Variants in PFKFB3 observed in about 807,000 individuals in gnomAD.
PFKFB3 encodes 6-phosphofructo-2-kinase/fructose-2,6-biphosphatase 3.
A neutral mutation model predicts 68.0 loss-of-function variants in PFKFB3; 33 were observed. That is an observed-to-expected ratio of 0.49 (90% CI 0.37 to 0.65). The LOEUF is 0.65. Among genes scored for constraint, PFKFB3 ranks in the 30% least tolerant of loss-of-function variants. The pLI, the probability that PFKFB3 is intolerant of heterozygous loss-of-function variation, is 0.00. For synonymous variants in PFKFB3, 315 were observed against 288.2 expected (o/e 1.09, Z -0.94); for missense variants, 586 against 712.2 (o/e 0.82, Z 2.02).
chr10:6,309,481 G>T, the PFKFB3 span, among the ~76,000 whole-genome samples: 9 of 152,054 alleles, frequency 5.9e-5, no homozygotes, highest in African/African-American at 2.2e-4. Context: ...AATTAGCCAG[G>T]CATGGTGGTG....
chr10:6,155,153 C>T (rs1299395476), intron 1 of PFKFB3, among the ~76,000 whole-genome samples: 1 of 151,912 alleles, frequency 6.6e-6, no homozygotes, highest in African/African-American at 2.4e-5. Context: ...TTACTCCGGG[C>T]ACTGAGCATG....
the PFKFB3 span, among the ~76,000 whole-genome samples, chr10:6,281,835 C>T: frequency 6.6e-6 from 1 of 151,974 alleles, no homozygotes; most frequent in Non-Finnish European, 1.5e-5. Context: ...GCAGATGCAG[C>T]AAAGATCGAT....
chr10:6,237,180 CA>C (rs1014252781), downstream of PFKFB3, among the ~76,000 whole-genome samples: 3 of 152,220 alleles, frequency 2.0e-5, no homozygotes, highest in African/African-American at 7.2e-5. Flanking sequence ...AAGCCTATGC[CA>C]AAAAGGCCTC....
intron 14 of PFKFB3, among the ~76,000 whole-genome samples, chr10:6,251,657 T>A (rs1386926379): frequency 6.6e-6 from 1 of 152,028 alleles, no homozygotes; most frequent in Non-Finnish European, 1.5e-5. Context: ...AGTGTCAGAT[T>A]GTGATGGAAA....
At chr10:6,192,976 T>G (rs1588450050) in intron 1 of PFKFB3, among the ~76,000 whole-genome samples, 1 of 152,212 alleles carries the variant, frequency 6.6e-6, no homozygotes, top group African/African-American at 2.4e-5. Flanking sequence ...TGAATGGCTG[T>G]CTGTCCACCT....
At chr10:6,216,894 C>T in intron 5 of PFKFB3, 114 bp downstream of exon 5, 1 of 856,890 alleles carries the variant, frequency 1.2e-6, no homozygotes, top group Non-Finnish European at 1.9e-6. Flanking sequence ...TTCCTTAGTC[C>T]TGCTCGGTCC....
At chr10:6,227,921 C>T (rs112126584) in intron 14 of PFKFB3, among the ~76,000 whole-genome samples, 2,337 of 152,112 alleles carry the variant, frequency 0.015, 61 homozygotes, top group African/African-American at 0.053. Flanking sequence ...GTTCAGAGGC[C>T]GCTGCTTTGA....
intron 1 of PFKFB3, chr10:6,149,564 G>A (rs1221973500): frequency 7.0e-6 from 1 of 143,864 alleles, no homozygotes; most frequent in Non-Finnish European, 1.5e-5. Context: ...TCCAGCCTGG[G>A]CGACAGAGTG....
At chr10:6,282,083 C>T in the PFKFB3 span, among the ~76,000 whole-genome samples, 1 of 152,042 alleles carries the variant, frequency 6.6e-6, no homozygotes, top group Non-Finnish European at 1.5e-5. Context: ...GATCCTCCTG[C>T]CTCAGCCTCC....
intron 1 of PFKFB3, among the ~76,000 whole-genome samples, chr10:6,176,945 C>A (rs1842490867): frequency 6.6e-6 from 1 of 152,176 alleles, no homozygotes; most frequent in South Asian, 2.1e-4. Context: ...GAGTTCCGGA[C>A]AGGACAGGAG....
the PFKFB3 span, among the ~76,000 whole-genome samples, chr10:6,276,027 T>G: frequency 4.6e-5 from 7 of 152,186 alleles, no homozygotes; most frequent in Non-Finnish European, 1.0e-4. Context: ...CATGGCACCT[T>G]GTATTTGACA....
intron 1 of PFKFB3, among the ~76,000 whole-genome samples, chr10:6,171,213 G>A (rs1355742651): frequency 1.3e-5 from 2 of 151,572 alleles, no homozygotes; most frequent in African/African-American, 2.4e-5. Flanking sequence ...ATGCCACCAC[G>A]CCTGGCTAAT....
At chr10:6,184,436 A>G (rs961834013) in intron 1 of PFKFB3, among the ~76,000 whole-genome samples, 3 of 151,786 alleles carry the variant, frequency 2.0e-5, no homozygotes, top group Non-Finnish European at 4.4e-5. Flanking sequence ...GGTTGACACA[A>G]TGGGTAGTTT....
At chr10:6,260,413 CAAAAAAAAAA>C in the PFKFB3 span, among the ~76,000 whole-genome samples, 2 of 86,918 alleles carry the variant, frequency 2.3e-5, no homozygotes, top group African/African-American at 8.1e-5. Context: ...GACTCCGTCT[CAAAAAAAAAA>C]AAAAAAAAAA....
chr10:6,225,983 G>T (rs563946345), intron 13 of PFKFB3, among the ~76,000 whole-genome samples: 2 of 152,308 alleles, frequency 1.3e-5, no homozygotes, highest in East Asian at 1.9e-4. Flanking sequence ...GAGGAAGGGG[G>T]CATGGGAGGG....
chr10:6,209,517 A>G (rs1322893367), intron 1 of PFKFB3, among the ~76,000 whole-genome samples: 13 of 151,896 alleles, frequency 8.6e-5, no homozygotes, highest in Admixed American at 7.9e-4. Flanking sequence ...TCTGTTTCCC[A>G]GGCTGGAGTG....
At chr10:6,313,361 C>T in the PFKFB3 span, among the ~76,000 whole-genome samples, 18 of 152,184 alleles carry the variant, frequency 1.2e-4, no homozygotes, top group African/African-American at 3.4e-4. The surrounding 1 kb of genome is among the most constrained non-coding windows in gnomAD (Gnocchi z 4.2). Context: ...ATAATTATCA[C>T]TATCAGTAGT....
intron 1 of PFKFB3, among the ~76,000 whole-genome samples, chr10:6,188,257 C>G (rs1842927887): frequency 6.6e-6 from 1 of 151,850 alleles, no homozygotes; most frequent in South Asian, 2.1e-4. Flanking sequence ...AACACTGATA[C>G]AGTTCTGTTA....
intron 4 of PFKFB3, 42 bp from the exon 5 acceptor site, chr10:6,216,664 A>T: frequency 7.3e-7 from 1 of 1,367,700 alleles, no homozygotes; most frequent in Admixed American, 1.7e-5. Context: ...TGTTAAACTC[A>T]AACTTAGAGT....
Sources: allele counts gnomAD v4.1 joint callset (sites outside exome capture counted in the v4.1 genomes callset), GRCh38; gene constraint gnomAD v4.1.1; non-coding constraint Gnocchi (gnomAD v3.1); transcripts MANE v1.5; gene names NCBI Gene and HGNC (gene_info 2026-07-23, HGNC 2026-07-21).